Variants in SRGAP1 observed in about 807,000 individuals in gnomAD.
SRGAP1 encodes the protein SLIT-ROBO Rho GTPase activating protein 1, also known as SLIT-ROBO Rho GTPase-activating protein 1.
SRGAP1 carries 43 observed loss-of-function variants against 121.9 expected under a neutral mutation model. That is an observed-to-expected ratio of 0.35 (90% CI 0.28 to 0.46). The LOEUF is 0.46. SRGAP1 is among the 20% of genes least tolerant of loss of function. The probability of loss-of-function intolerance (pLI) is 1.00; values close to 1 mark genes in which losing one functional copy is unlikely to be tolerated. For synonymous variants in SRGAP1, 447 were observed against 485.4 expected, an observed-to-expected ratio of 0.92 and a Z score of 1.04; for missense variants, 1,102 against 1,350.9, an observed-to-expected ratio of 0.82 and a Z score of 2.89.
Position 63,991,448 on chromosome 12 carries a change from GAAAA to G in SRGAP1, c.426+1378_426+1381del, listed in dbSNP as rs2033554503. Among the ~76,000 whole-genome samples, 3 of 152,182 alleles carry G rather than the reference GAAAA, an allele frequency of 2.0e-5. No homozygotes were observed. In the South Asian group the frequency reaches 6.2e-4, roughly 32 times the overall value. ...AAGTCACCTTATGCTCCATTAAATA[GAAAA>G]ACAAATTTCAAACAAAGGAGAAACT... On this transcript the variant is annotated intron_variant, in intron 3 of 21. Coordinates refer to ENST00000355086, the MANE Select transcript of SRGAP1 (RefSeq NM_020762.4).
chr12:64,042,433 C>T (rs1305586864), intron 4 of SRGAP1, among the ~76,000 whole-genome samples: 2 of 151,992 alleles, frequency 1.3e-5, no homozygotes, highest in Non-Finnish European at 1.5e-5. Context: ...TAAAATCAAT[C>T]CATGAATAAA....
At chr12:63,878,865 GA>G (rs1266005146) in intron 1 of SRGAP1, 1 of 152,174 alleles carries the variant, frequency 6.6e-6, no homozygotes, top group African/African-American at 2.4e-5. Flanking sequence ...GGGTTGCTGA[GA>G]ATTGAGTGAG....
chr12:63,891,383 A>G (rs1158567318), intron 1 of SRGAP1, among the ~76,000 whole-genome samples: 1 of 152,118 alleles, frequency 6.6e-6, no homozygotes, highest in Non-Finnish European at 1.5e-5. Flanking sequence ...TCTCCACACC[A>G]TGCATTCATT....
chr12:63,875,277 G>GGTGTGT lies in SRGAP1; in HGVS notation c.67+30407_67+30412dup, dbSNP rs142238376. Among the ~76,000 whole-genome samples the GGTGTGT allele has an allele frequency of 2.0e-3, 303 of 151,038 alleles. 2 individuals are homozygous for GGTGTGT. Among genetic ancestry groups the GGTGTGT allele is most frequent in the African/African-American group, 6.8e-3 (282 of 41,210 alleles). On this transcript the variant is annotated intron_variant, in intron 1 of 21. Transcript: ENST00000355086. Reference sequence around the variant, plus strand: ...CATAATAAGTGCTCAGTTATTGTTTGGTGTGTGTGTGTGTGTGTATATTTG... The same window carrying GGTGTGT: ...CATAATAAGTGCTCAGTTATTGTTTGGTGTGTGTGTGTGTGTGTGTGTGTATATTTG...
In SRGAP1 at chr12:64,150,315, G is replaced by A. The variant is rs1336956248; in HGVS notation, c.*7643G>A. On this transcript the variant is annotated 3_prime_UTR_variant, in exon 22 of 22. Transcript: ENST00000355086. ...TGCGATCCAATTCTGGCGACTTATG[G>A]ATGGATCCTTCACACCCAACAGCTG... is the stretch of plus-strand genomic sequence containing the variant. 6.6e-6 allele frequency: 1 copy of A among 152,176 alleles called. No homozygotes were observed. The allele number at this position is 152,176 out of a possible 1,614,324, so 9.4% of individuals were successfully genotyped here. A position where few individuals can be genotyped will look rare whatever the true frequency, so the allele number is the denominator to read the frequency against.
rs747613885 is a variant in SRGAP1, at chr12:64,115,954, C to T, written c.2224+61C>T. ...TTTATATCCCTATTGTAAACAATTG[C>T]TTGTATTAACATTTTAGAGGCAAAG... On this transcript the variant is annotated intron_variant, in intron 18 of 21. Coordinates refer to ENST00000355086, the MANE Select transcript of SRGAP1 (RefSeq NM_020762.4). 3.9e-5 allele frequency: 56 copies of T among 1,451,212 alleles called. 1 individual carries two copies. Among genetic ancestry groups the T allele is most frequent in the Non-Finnish European group, 5.1e-5 (54 of 1,057,074 alleles). 89.9% of individuals were successfully genotyped at this position (1,451,212 alleles called of 1,614,324 possible).
At chr12:63,950,822 C>T (rs890946070) in intron 1 of SRGAP1, among the ~76,000 whole-genome samples, 4 of 152,110 alleles carry the variant, frequency 2.6e-5, no homozygotes, top group Admixed American at 2.0e-4. Flanking sequence ...GTGACCTTTT[C>T]TCCTTACACA....
Position 64,072,186 on chromosome 12 carries a change from C to T in SRGAP1, c.1126-6733C>T, listed in dbSNP as rs139538772. 9.5e-5 allele frequency among the ~76,000 whole-genome samples: 13 copies of T among 136,564 alleles called. No homozygotes were observed. In the East Asian group the frequency reaches 2.8e-3, roughly 30 times the overall value. 89.6% of individuals were successfully genotyped at this position (136,564 alleles called of 152,430 possible). The stretch of plus-strand genomic sequence containing the variant: ...GGGCTCTTTCTGCTAATTTTTAGTA[C>T]ATCTGAAATGACACAGTGCTGTAAT... On this transcript the variant is annotated intron_variant, in intron 8 of 21. Transcript: ENST00000355086.
At chr12:64,117,272 GT>G (rs1427619762) in intron 18 of SRGAP1, among the ~76,000 whole-genome samples, 3 of 152,160 alleles carry the variant, frequency 2.0e-5, no homozygotes, top group Non-Finnish European at 4.4e-5. Flanking sequence ...TTTATCTTTT[GT>G]AAAATTCCTA....
chr12:63,965,678 A>G lies in SRGAP1; in HGVS notation c.68-18269A>G, dbSNP rs184465385. Among the ~76,000 whole-genome samples, 77 of 152,280 alleles carry G rather than the reference A, an allele frequency of 5.1e-4. No homozygotes were observed. In the East Asian group the frequency reaches 0.013, roughly 25 times the overall value. On this transcript the variant is annotated intron_variant, in intron 1 of 21. Coordinates refer to ENST00000355086, the MANE Select transcript of SRGAP1 (RefSeq NM_020762.4). ...CCTCATCTCTGCAAAAAATAAATAAATTTAAAAAAACACAGAAAGTAATTG... is the reference window on the plus strand; with the variant it reads ...CCTCATCTCTGCAAAAAATAAATAAGTTTAAAAAAACACAGAAAGTAATTG...
intron 4 of SRGAP1, among the ~76,000 whole-genome samples, chr12:64,040,545 A>G (rs1213086217): frequency 6.6e-6 from 1 of 152,208 alleles, no homozygotes; most frequent in Admixed American, 6.5e-5. Context: ...TTTAAGGAGC[A>G]TAATTGTGCT....
At chr12:63,916,460 CATTT>C (rs1428063622) in intron 1 of SRGAP1, among the ~76,000 whole-genome samples, 1 of 152,176 alleles carries the variant, frequency 6.6e-6, no homozygotes, top group African/African-American at 2.4e-5. Flanking sequence ...AGTTAGTAAA[CATTT>C]ATTACTTGTC....
chr12:64,132,067 CG>C lies in SRGAP1; in HGVS notation c.2880+3870del, dbSNP rs374463444. Among the ~76,000 whole-genome samples, 815 of 152,208 alleles carry C rather than the reference CG, an allele frequency of 5.4e-3. 7 individuals carry two copies. The highest frequency in any genetic ancestry group is 0.019 in the African/African-American group (779 of 41,540). ...GCACACGCCTGTAGTCCCAACTACTCGGGAGGTTGAGGCAGAAGAATCATTT... is the reference window on the plus strand; with the variant it reads ...GCACACGCCTGTAGTCCCAACTACTCGGAGGTTGAGGCAGAAGAATCATTT... On this transcript the variant is annotated intron_variant, in intron 21 of 21. Coordinates refer to ENST00000355086, the MANE Select transcript of SRGAP1 (RefSeq NM_020762.4).
rs562860266 is a variant in SRGAP1 at position 64,024,411 on chromosome 12, C to G, written c.489+7399C>G. On this transcript the variant is annotated intron_variant, in intron 4 of 21. Transcript: ENST00000355086. ...GCGCTACTGCGCTCCAGCCTGGACTCCAGCCTGGGTGGCAGAGTAAGATCC... is the reference window on the plus strand; with the variant it reads ...GCGCTACTGCGCTCCAGCCTGGACTGCAGCCTGGGTGGCAGAGTAAGATCC... Among the ~76,000 whole-genome samples, 376 of 152,188 alleles carry G rather than the reference C, an allele frequency of 2.5e-3. 1 individual carries two copies. The highest frequency in any genetic ancestry group is 8.6e-3 in the African/African-American group (359 of 41,512).
At chr12:64,004,078 A>G (rs1354211163) in intron 3 of SRGAP1, among the ~76,000 whole-genome samples, 1 of 152,182 alleles carries the variant, frequency 6.6e-6, no homozygotes, top group Non-Finnish European at 1.5e-5. Flanking sequence ...AGACAAGCCA[A>G]GTGTCATCTG....
At chr12:63,923,618 T>G (rs1181918751) in intron 1 of SRGAP1, among the ~76,000 whole-genome samples, 1 of 152,222 alleles carries the variant, frequency 6.6e-6, no homozygotes, top group Non-Finnish European at 1.5e-5. Context: ...TTGATAATTT[T>G]CTCTCCTATT....
intron 3 of SRGAP1, among the ~76,000 whole-genome samples, chr12:64,010,027 A>C (rs576248490): frequency 1.3e-5 from 2 of 152,180 alleles, no homozygotes; most frequent in Admixed American, 6.5e-5. Context: ...TCATAGAGAC[A>C]CATGATCATG....
rs1471715575 is a variant in SRGAP1, at chr12:64,151,217, C to T, written c.*8545C>T. ...TTAGTATATTGTCTTCTAATCCTTACATTATGTTATTTTTAAGCAGAGTCA... is the reference window on the plus strand; with the variant it reads ...TTAGTATATTGTCTTCTAATCCTTATATTATGTTATTTTTAAGCAGAGTCA... On this transcript the variant is annotated 3_prime_UTR_variant, in exon 22 of 22. Coordinates refer to ENST00000355086, the MANE Select transcript of SRGAP1 (RefSeq NM_020762.4). 2 of 152,054 alleles carry T rather than the reference C, an allele frequency of 1.3e-5. No individual in the cohort carries two copies. The highest frequency in any genetic ancestry group is 2.9e-5 in the Non-Finnish European group (2 of 68,024). The allele number at this position is 152,054 out of a possible 1,614,324, so 9.4% of individuals were successfully genotyped here.
chr12:64,105,678 G>T (rs2036334088), intron 15 of SRGAP1, among the ~76,000 whole-genome samples: 1 of 152,198 alleles, frequency 6.6e-6, no homozygotes, highest in Non-Finnish European at 1.5e-5. Flanking sequence ...CAGCTACCTG[G>T]GAGCCTGAGG....
Sources: allele counts gnomAD v4.1 joint callset (sites outside exome capture counted in the v4.1 genomes callset), GRCh38; gene constraint gnomAD v4.1.1; transcripts MANE v1.5; gene names NCBI Gene and HGNC (gene_info 2026-07-23, HGNC 2026-07-21).